The following NMNAT3 variants were observed in gnomAD, a reference collection of about 807,000 sequenced individuals.
The protein encoded by NMNAT3 is nicotinamide/nicotinic acid mononucleotide adenylyltransferase 3.
Under a neutral mutation model 24.8 loss-of-function variants are expected in NMNAT3, and 21 were observed. The observed-to-expected ratio is 0.85, with a 90% CI of 0.60 to 1.22. NMNAT3 has a LOEUF of 1.22. Ranked by LOEUF, NMNAT3 falls within the 50% of genes most tolerant of loss-of-function variation. The probability of loss-of-function intolerance (pLI) is 0.00; values close to 1 mark genes in which losing one functional copy is unlikely to be tolerated. For synonymous variants in NMNAT3, 136 were observed against 155.2 expected (o/e 0.88, Z 0.92); for missense variants, 387 against 436.6 (o/e 0.89, Z 1.01).
chr3:139,604,756 T>G (rs74677254), intron 3 of NMNAT3, among the ~76,000 whole-genome samples: 232 of 152,328 alleles, frequency 1.5e-3, no homozygotes, highest in African/African-American at 5.2e-3. Context: ...TTGCATGAAG[T>G]AATTTAAGGG....
intron 1 of NMNAT3, among the ~76,000 whole-genome samples, chr3:139,655,223 G>A (rs937983587): frequency 6.6e-6 from 1 of 152,164 alleles, no homozygotes; most frequent in Non-Finnish European, 1.5e-5. Flanking sequence ...GCCTGCCAAG[G>A]GCCTTATGCT....
chr3:139,605,105 C>T (rs541929815), intron 3 of NMNAT3, among the ~76,000 whole-genome samples: 1 of 152,244 alleles, frequency 6.6e-6, no homozygotes, highest in African/African-American at 2.4e-5. Context: ...GTTCGAATTG[C>T]TGCAAAGTTT....
intron 3 of NMNAT3, among the ~76,000 whole-genome samples, chr3:139,605,515 C>T (rs1347677265): frequency 6.6e-6 from 1 of 152,058 alleles, no homozygotes; most frequent in Non-Finnish European, 1.5e-5. Flanking sequence ...TCTAAAGTAC[C>T]ATCATCATCT....
intron 1 of NMNAT3, among the ~76,000 whole-genome samples, chr3:139,643,196 C>A (rs1217728304): frequency 6.6e-6 from 1 of 152,110 alleles, no homozygotes; most frequent in Admixed American, 6.5e-5. Flanking sequence ...TGACTGTTAA[C>A]TGAAAAATAG....
At chr3:139,577,211 G>A (rs924708512) in intron 5 of NMNAT3, among the ~76,000 whole-genome samples, 11 of 151,996 alleles carry the variant, frequency 7.2e-5, no homozygotes, top group East Asian at 3.9e-4. Flanking sequence ...ACAAGTAATC[G>A]TAAATAGTAC....
At chr3:139,623,334 G>A (rs2055887019) in intron 3 of NMNAT3, among the ~76,000 whole-genome samples, 1 of 152,112 alleles carries the variant, frequency 6.6e-6, no homozygotes, top group African/African-American at 2.4e-5. Context: ...CCCACTAGAA[G>A]GTCTGCAGGG....
intron 3 of NMNAT3, among the ~76,000 whole-genome samples, chr3:139,606,048 A>C (rs1276673703): frequency 2.3e-4 from 35 of 152,194 alleles, no homozygotes; most frequent in Admixed American, 2.3e-3. Flanking sequence ...GATAGTACAA[A>C]GAGTTCCCAT....
intron 5 of NMNAT3, chr3:139,576,164 A>G (rs903463025): frequency 6.1e-6 from 6 of 985,440 alleles, no homozygotes; most frequent in Middle Eastern, 5.2e-4. Context: ...CACTAAATGG[A>G]GCAAAAGATG....
intron 3 of NMNAT3, among the ~76,000 whole-genome samples, chr3:139,588,644 G>A (rs1291016570): frequency 6.6e-6 from 1 of 152,112 alleles, no homozygotes; most frequent in Non-Finnish European, 1.5e-5. Flanking sequence ...GTGCCAGAGG[G>A]CCTGAAAACA....
At chr3:139,601,224 C>A (rs992594163) in intron 3 of NMNAT3, among the ~76,000 whole-genome samples, 2 of 152,154 alleles carry the variant, frequency 1.3e-5, no homozygotes, top group Non-Finnish European at 2.9e-5. Context: ...AATAACTGAG[C>A]CTGGGCAATC....
intron 2 of NMNAT3, among the ~76,000 whole-genome samples, chr3:139,629,876 C>G (rs1281365173): frequency 2.0e-5 from 3 of 152,196 alleles, no homozygotes; most frequent in African/African-American, 4.8e-5. Context: ...TTCATATGAT[C>G]ACATTATTTA....
chr3:139,660,477 C>A (rs1194563589), intron 1 of NMNAT3, among the ~76,000 whole-genome samples: 1 of 152,138 alleles, frequency 6.6e-6, no homozygotes, highest in Non-Finnish European at 1.5e-5. Flanking sequence ...TTTGCAGATA[C>A]ATTGATCTTA....
intron 3 of NMNAT3, among the ~76,000 whole-genome samples, chr3:139,598,743 A>G (rs2054585647): frequency 1.3e-5 from 2 of 152,172 alleles, no homozygotes; most frequent in African/African-American, 4.8e-5. Flanking sequence ...ATATACTGAT[A>G]ACTGGAACAG....
intron 3 of NMNAT3, among the ~76,000 whole-genome samples, chr3:139,587,714 G>A (rs2108149353): frequency 6.6e-6 from 1 of 152,312 alleles, no homozygotes; most frequent in Non-Finnish European, 1.5e-5. Flanking sequence ...AGAAAGCAAA[G>A]TAAGTTATCT....
chr3:139,573,057 G>C lies in NMNAT3; in HGVS notation c.658+541C>G, dbSNP rs149421530. 9.2e-5 allele frequency among the ~76,000 whole-genome samples: 14 copies of C among 152,218 alleles called. No individual in the cohort carries two copies. The East Asian group carries it at 2.7e-3, about 29-fold the overall frequency. ...CATACTGTGAAATCACAGCCAACAA[G>C]GTTTTCTCGAACACCAGGAAATTAC... On this transcript the variant is annotated intron_variant, in intron 6 of 6. Transcript: ENST00000643695.
chr3:139,656,962 C>G (rs974318253), intron 1 of NMNAT3, among the ~76,000 whole-genome samples: 2 of 152,182 alleles, frequency 1.3e-5, no homozygotes, highest in African/African-American at 4.8e-5. Flanking sequence ...GGCCTACTAA[C>G]TCATATTTTG....
At chr3:139,564,923 A>C (rs779546821) in intron 6 of NMNAT3, among the ~76,000 whole-genome samples, 17 of 152,316 alleles carry the variant, frequency 1.1e-4, no homozygotes, top group Admixed American at 2.0e-4. Context: ...AACAATATTA[A>C]TTCTGCTTTC....
intron 3 of NMNAT3, among the ~76,000 whole-genome samples, chr3:139,597,412 T>G (rs2054531772): frequency 6.6e-6 from 1 of 152,160 alleles, no homozygotes; most frequent in African/African-American, 2.4e-5. Context: ...ATGTGGTATA[T>G]TAATAGATAT....
intron 3 of NMNAT3, chr3:139,609,679 T>C (rs1203532441): frequency 6.6e-6 from 1 of 151,186 alleles, no homozygotes; most frequent in African/African-American, 2.4e-5. Flanking sequence ...AGAGACAAAA[T>C]CTTGCTATGT....
Sources: gnomAD v4.1 joint callset for allele counts (sites outside exome capture counted in the v4.1 genomes callset) on GRCh38, gnomAD v4.1.1 for gene constraint, MANE v1.5 for transcripts, NCBI Gene and HGNC (gene_info 2026-07-23, HGNC 2026-07-21) for gene names.